CLMN: variants seen among roughly 807,000 people sequenced by gnomAD.
CLMN encodes the protein calmin, also known as calmin (calponin-like, transmembrane).
CLMN carries 57 observed loss-of-function variants against 92.7 expected under a neutral mutation model. The ratio of observed to expected loss-of-function variants is 0.61; its 90% CI spans 0.50 to 0.77. The LOEUF is 0.77. Among genes scored for constraint, CLMN ranks in the 30% least tolerant of loss-of-function variants. The probability of loss-of-function intolerance (pLI) is 0.00; values close to 1 mark genes in which losing one functional copy is unlikely to be tolerated. For synonymous variants in CLMN, 466 were observed against 470.6 expected (o/e 0.99, Z 0.13); for missense variants, 1,158 against 1,237.5 (o/e 0.94, Z 0.96).
chr14:95,207,954 T>G (rs1180580569), intron 8 of CLMN, among the ~76,000 whole-genome samples: 1 of 152,206 alleles, frequency 6.6e-6, no homozygotes, highest in Middle Eastern at 3.2e-3. Context: ...GCTTCATAGC[T>G]GAGTGACTAT....
chr14:95,245,895 C>T (rs1280210445), intron 1 of CLMN, among the ~76,000 whole-genome samples: 5 of 113,878 alleles, frequency 4.4e-5, no homozygotes, highest in African/African-American at 1.7e-4. Context: ...TGGATGGACA[C>T]ACGGATGAAT....
At chr14:95,261,860 C>T (rs944999370) in intron 1 of CLMN, among the ~76,000 whole-genome samples, 5 of 152,230 alleles carry the variant, frequency 3.3e-5, no homozygotes, top group African/African-American at 1.2e-4. Context: ...CTGGCTTCTG[C>T]GTCCCTGGCC....
intron 1 of CLMN, among the ~76,000 whole-genome samples, chr14:95,253,705 C>T (rs571796335): frequency 7.2e-5 from 11 of 151,916 alleles, no homozygotes; most frequent in East Asian, 1.9e-4. Flanking sequence ...CTCCGCCTCC[C>T]GGGTTCACGC....
At chr14:95,251,861 C>A (rs76018433) in intron 1 of CLMN, among the ~76,000 whole-genome samples, 1 of 152,150 alleles carries the variant, frequency 6.6e-6, no homozygotes, top group Non-Finnish European at 1.5e-5. Context: ...TACTTATTCT[C>A]ATAGCTCCAG....
In CLMN at chr14:95,194,553, G is replaced by A; in HGVS notation, c.2752C>T (p.His918Tyr). ...DSSIYLRRHTHRSSESDHFSY... is the reference protein window; with the variant it reads ...DSSIYLRRHTYRSSESDHFSY... ...ATACTAACCGATTCCGAAGACCTAT[G>A]AGTATGTCGTCGAAGGTAAATGCTG... The change falls in exon 11 of 13, where the codon CAT becomes TAT. Residue 918 changes from histidine to tyrosine, a missense_variant. Transcript: ENST00000298912. This position sits in a 1 kb window ranked among gnomAD's most constrained non-coding sequence, Gnocchi z 4.0. 1 of 1,614,192 alleles carries A rather than the reference G, an allele frequency of 6.2e-7. No individual in the cohort carries two copies. Among genetic ancestry groups the A allele is most frequent in the African/African-American group, 1.3e-5 (1 of 75,050 alleles).
chr14:95,194,158 GT>G lies in CLMN; in HGVS notation c.2770-240del. 1 of 1,408,580 alleles carries G rather than the reference GT, an allele frequency of 7.1e-7. No individual in the cohort carries two copies. Among genetic ancestry groups the G allele is most frequent in the Non-Finnish European group, 9.2e-7 (1 of 1,087,342 alleles). 87.3% of individuals were successfully genotyped at this position (1,408,580 alleles called of 1,614,324 possible). A position where few individuals can be genotyped will look rare whatever the true frequency, so the allele number is the denominator to read the frequency against. On this transcript the variant is annotated intron_variant, in intron 11 of 12. Coordinates refer to ENST00000298912, the MANE Select transcript of CLMN (RefSeq NM_024734.4). This position sits in a 1 kb window ranked among gnomAD's most constrained non-coding sequence, Gnocchi z 4.0. ...CACCACCCGGAACCCGGATTGGGGT[GT>G]GCTGCTCCGGGTTCTAACACATCTG...
intron 1 of CLMN, among the ~76,000 whole-genome samples, chr14:95,262,191 C>T (rs952187807): frequency 6.6e-6 from 1 of 152,256 alleles, no homozygotes; most frequent in African/African-American, 2.4e-5. Flanking sequence ...ATTCTCAGAG[C>T]TGGGCTCCAG....
intron 1 of CLMN, among the ~76,000 whole-genome samples, chr14:95,237,098 G>A (rs1048337035): frequency 2.2e-4 from 34 of 152,218 alleles, no homozygotes; most frequent in Non-Finnish European, 4.1e-4. Context: ...ACAAGTTACT[G>A]GACTACCCTG....
chr14:95,213,989 A>G (rs979877903), intron 5 of CLMN, among the ~76,000 whole-genome samples: 3 of 151,636 alleles, frequency 2.0e-5, no homozygotes, highest in African/African-American at 7.3e-5. Context: ...GCGCACTCCT[A>G]CTCATCCTTC....
At position 95,282,271 on chromosome 14, in the gene CLMN, TG is replaced by T. The variant is rs1900170236; in HGVS notation, c.82+37439del. Among the ~76,000 whole-genome samples, 3 of 152,064 alleles carry T rather than the reference TG, an allele frequency of 2.0e-5. No individual in the cohort carries two copies. In the South Asian group the frequency reaches 6.2e-4, roughly 32 times the overall value. ...TAAGATTTGCACTTCTAGGGAACCA[TG>T]GAGAGTGGCCAAACCAGACTTCATT... On this transcript the variant is annotated intron_variant, in intron 1 of 12. Coordinates refer to ENST00000298912, the MANE Select transcript of CLMN (RefSeq NM_024734.4).
chr14:95,241,161 C>T (rs904670055), intron 1 of CLMN, among the ~76,000 whole-genome samples: 1 of 151,986 alleles, frequency 6.6e-6, no homozygotes, highest in African/African-American at 2.4e-5. Context: ...TAATAAAACC[C>T]CACACTCACC....
intron 1 of CLMN, among the ~76,000 whole-genome samples, chr14:95,253,003 T>G (rs1898850590): frequency 6.6e-6 from 1 of 152,160 alleles, no homozygotes; most frequent in Non-Finnish European, 1.5e-5. Flanking sequence ...ACTGAGTACT[T>G]CTGATGGAAT....
At chr14:95,247,832 C>T (rs1056370261) in intron 1 of CLMN, among the ~76,000 whole-genome samples, 18 of 151,672 alleles carry the variant, frequency 1.2e-4, no homozygotes, top group Admixed American at 3.3e-4. Context: ...GCTACGTGGA[C>T]TGGAGAGCAA....
intron 1 of CLMN, among the ~76,000 whole-genome samples, chr14:95,282,794 C>G (rs963010502): frequency 6.6e-5 from 10 of 152,252 alleles, no homozygotes; most frequent in Admixed American, 6.5e-4. Flanking sequence ...AGTTCTAAAG[C>G]CTCCCTGCTC....
At chr14:95,242,810 G>GC (rs1310592663) in intron 1 of CLMN, among the ~76,000 whole-genome samples, 1 of 137,924 alleles carries the variant, frequency 7.3e-6, no homozygotes, top group Non-Finnish European at 1.6e-5. Flanking sequence ...CTCGTGATCC[G>GC]CCCACCTTGG....
At chr14:95,290,234 C>T (rs1900512085) in intron 1 of CLMN, among the ~76,000 whole-genome samples, 2 of 152,220 alleles carry the variant, frequency 1.3e-5, no homozygotes, top group African/African-American at 2.4e-5. Flanking sequence ...CCCGCCCACT[C>T]TTCTTTCTTG....
At chr14:95,222,945 C>T (rs1012052997) in intron 3 of CLMN, among the ~76,000 whole-genome samples, 6 of 152,174 alleles carry the variant, frequency 3.9e-5, no homozygotes, top group African/African-American at 1.4e-4. Flanking sequence ...AGAGTTGTGA[C>T]CCCGTTGCTG....
At chr14:95,257,018 G>T (rs1468306992) in intron 1 of CLMN, among the ~76,000 whole-genome samples, 1 of 152,238 alleles carries the variant, frequency 6.6e-6, no homozygotes, top group Non-Finnish European at 1.5e-5. Flanking sequence ...ACAGGAGGGG[G>T]ACACAGAGGA....
At chr14:95,289,943 AG>A (rs1900499746) in intron 1 of CLMN, among the ~76,000 whole-genome samples, 1 of 152,242 alleles carries the variant, frequency 6.6e-6, no homozygotes, top group East Asian at 1.9e-4. Flanking sequence ...TCGCCACCTA[AG>A]ACAGGTTTAA....
Sources: allele counts gnomAD v4.1 joint callset (sites outside exome capture counted in the v4.1 genomes callset), GRCh38; gene constraint gnomAD v4.1.1; non-coding constraint Gnocchi (gnomAD v3.1); transcripts MANE v1.5; gene names NCBI Gene and HGNC (gene_info 2026-07-23, HGNC 2026-07-21).